Variants in NISCH observed in about 807,000 individuals in gnomAD.
The protein encoded by NISCH is nischarin.
A neutral mutation model predicts 138.4 loss-of-function variants in NISCH; 55 were observed. That is an observed-to-expected ratio of 0.40 (90% CI 0.32 to 0.50). The LOEUF (loss-of-function observed/expected upper bound fraction) is 0.50. Ranked by LOEUF, NISCH falls within the 20% of genes least tolerant of loss-of-function variation. The pLI, the probability that NISCH is intolerant of heterozygous loss-of-function variation, is 0.71. For missense variants in NISCH, 1,643 were observed against 2,005.5 expected (o/e 0.82, Z 3.45); for synonymous variants, 860 against 861.5 (o/e 1.00, Z 0.03).
rs910184270 is a variant in NISCH at position 52,458,790 on chromosome 3, C to T, written c.306C>T (p.Ala102=). 1.7e-5 allele frequency: 27 copies of T among 1,612,954 alleles called. No individual in the cohort carries two copies. The highest frequency in any genetic ancestry group is 2.3e-5 in the Non-Finnish European group (27 of 1,179,946). Residue 102 remains alanine (A), a synonymous_variant, in exon 3 of 21, where the codon GCC becomes GCT. Coordinates refer to ENST00000345716, the MANE Select transcript of NISCH (RefSeq NM_007184.4). The part of the protein sequence containing the change: ...LEVYLQKLLA[A]FPGVTPRVLA... ...TCTACCTCCAGAAGCTCCTGGCTGCCTTCCCTGGCGTGACCCCCAGAGTAC... is the reference window on the plus strand; with the variant it reads ...TCTACCTCCAGAAGCTCCTGGCTGCTTTCCCTGGCGTGACCCCCAGAGTAC...
intron 1 of NISCH, among the ~76,000 whole-genome samples, chr3:52,456,739 G>A (rs1048533276): frequency 5.9e-5 from 9 of 152,346 alleles, no homozygotes; most frequent in Non-Finnish European, 8.8e-5. Context: ...AGAGGAGAGG[G>A]GTGGATCTTG....
Position 52,482,842 on chromosome 3 carries a change from C to T in NISCH, c.1529-1671C>T, listed in dbSNP as rs540272599. ...CTACCCAGAGCTCCACAGAGGTGGT[C>T]GATGAGGGCTGCCCTTTCCCACATC... On this transcript the variant is annotated intron_variant, in intron 13 of 20. Transcript: ENST00000345716. 2.6e-5 allele frequency among the ~76,000 whole-genome samples: 4 copies of T among 152,278 alleles called. No individual in the cohort carries two copies. In the East Asian group the frequency reaches 5.8e-4, roughly 22 times the overall value.
In NISCH at chr3:52,462,214, A is replaced by G. The variant is rs115820540; in HGVS notation, c.360+3370A>G. Among the ~76,000 whole-genome samples the G allele has an allele frequency of 2.8e-3, 431 of 152,312 alleles. 3 individuals carry two copies. Among genetic ancestry groups the G allele is most frequent in the African/African-American group, 9.9e-3 (412 of 41,562 alleles). On this transcript the variant is annotated intron_variant, in intron 3 of 20. Coordinates refer to ENST00000345716, the MANE Select transcript of NISCH (RefSeq NM_007184.4). ...AGGATTTAAAAAAGCAATTGAACCC[A>G]TCGTTGGATTAAACCCACAGTTGAT...
At chr3:52,458,031 T>G in intron 2 of NISCH, 105 bp downstream of exon 2, 1 of 780,264 alleles carries the variant, frequency 1.3e-6, no homozygotes, top group Non-Finnish European at 2.2e-6. Context: ...GTTCCATCTC[T>G]ATAGTTCTTT....
At chr3:52,462,963 A>G (rs1036624798) in intron 3 of NISCH, among the ~76,000 whole-genome samples, 5 of 152,182 alleles carry the variant, frequency 3.3e-5, no homozygotes, top group Admixed American at 2.0e-4. Context: ...AAATTGAGAT[A>G]TAATTTACAT....
Position 52,488,527 on chromosome 3 carries a change from T to C in NISCH, c.3035T>C (p.Val1012Ala). The change falls in exon 16 of 21, where the codon GTC becomes GCC. Residue 1012 changes from valine (V) to alanine (A), a missense_variant. Coordinates refer to ENST00000345716, the MANE Select transcript of NISCH (RefSeq NM_007184.4). ...TCGCTGCAGGACCTGAAGACTGTGG[T>C]CATCGCCAAGACCCCCGGGACGGGA... Reference protein sequence around the residue: ...RASLQDLKTVVIAKTPGTGGS... With the variant: ...RASLQDLKTVAIAKTPGTGGS... The C allele has an allele frequency of 6.2e-7, 1 of 1,613,134 alleles. No homozygotes were observed. Among genetic ancestry groups the C allele is most frequent in the Non-Finnish European group, 8.5e-7 (1 of 1,179,970 alleles).
chr3:52,473,852 C>T, intron 7 of NISCH, 23 bp downstream of exon 7: 1 of 1,535,652 alleles, frequency 6.5e-7, no homozygotes, highest in Non-Finnish European at 9.0e-7. Context: ...TATATCCTGC[C>T]TGGGGCAATG....
rs779208117 is a variant in NISCH at position 52,489,425 on chromosome 3, C to T, written c.3203C>T (p.Ala1068Val). 3.1e-6 allele frequency: 5 copies of T among 1,604,008 alleles called. No homozygotes were observed. The highest frequency in any genetic ancestry group is 4.3e-6 in the Non-Finnish European group (5 of 1,171,924). Residue 1068 changes from alanine to valine, a missense_variant, in exon 17 of 21, where the codon GCC becomes GTC. Transcript: ENST00000345716. ...VPAPAPAAAS[A>V]SGPAKTPAPA... ...GCTCCAGCCCCTGCAGCAGCCTCAG[C>T]CTCAGGCCCAGCGAAGACTCCGGCC...
chr3:52,479,436 C>G (rs1227435763), intron 11 of NISCH, among the ~76,000 whole-genome samples: 1 of 152,146 alleles, frequency 6.6e-6, no homozygotes, highest in East Asian at 1.9e-4. Context: ...CCCAGCTGCC[C>G]AAGAGCTTGC....
At position 52,455,672 on chromosome 3, in the gene NISCH, C is replaced by G. The variant is rs1445176744; in HGVS notation, c.31C>G (p.Arg11Gly). The G allele has an allele frequency of 7.4e-7, 1 of 1,357,864 alleles. No individual in the cohort carries two copies. The highest frequency in any genetic ancestry group is 1.5e-5 in the African/African-American group (1 of 66,538). 84.1% of individuals were successfully genotyped at this position (1,357,864 alleles called of 1,614,324 possible). MATARTFGPE[R>G]EAEPAKEARV... ...GACCGCGCGCACCTTCGGGCCCGAG[C>G]GGGAAGCCGAGCCGGCCAAGGAAGC... Residue 11 changes from arginine to glycine, a missense_variant, in exon 1 of 21, where the codon CGG (arginine) becomes GGG (glycine). Physicochemically the swap from Arg to Gly is moderately radical, Grantham distance 125 (BLOSUM62 -2). Transcript: ENST00000345716.
At chr3:52,461,788 G>A (rs1339116540) in intron 3 of NISCH, among the ~76,000 whole-genome samples, 1 of 151,856 alleles carries the variant, frequency 6.6e-6, no homozygotes, top group African/African-American at 2.4e-5. Flanking sequence ...GCGTGAACCC[G>A]GGAGGCAGAG....
chr3:52,489,231 G>C (rs746491201), intron 16 of NISCH, 105 bp from the exon 17 acceptor site: 3 of 1,374,550 alleles, frequency 2.2e-6, no homozygotes, highest in South Asian at 1.4e-5. Flanking sequence ...CAGTAACCCA[G>C]AGGTGATGTG....
At chr3:52,476,124 C>T (rs1203399285) in intron 7 of NISCH, among the ~76,000 whole-genome samples, 2 of 152,106 alleles carry the variant, frequency 1.3e-5, no homozygotes, top group Admixed American at 1.3e-4. Context: ...GGTGACAGAG[C>T]GAGACTCCAT....
chr3:52,476,976 A>G (rs571835131), intron 8 of NISCH, among the ~76,000 whole-genome samples: 1 of 152,350 alleles, frequency 6.6e-6, no homozygotes, highest in East Asian at 1.9e-4. Context: ...CGGATGTTGC[A>G]GTGAGCTGAG....
rs879082100 is a variant in NISCH, at chr3:52,484,654, G to A, written c.1653+17G>A. On this transcript the variant is annotated intron_variant, in intron 14 of 20. Coordinates refer to ENST00000345716, the MANE Select transcript of NISCH (RefSeq NM_007184.4). ...GCGGGACAGGTAATGCCCTCTTCCC[G>A]CTTCTGGGGACCATACATCTGTGGG... 14 of 1,613,542 alleles carry A rather than the reference G, an allele frequency of 8.7e-6. No individual in the cohort carries two copies. The South Asian group carries it at 9.9e-5, about 11-fold the overall frequency.
At chr3:52,480,886 C>T (rs965278890) in intron 13 of NISCH, 7 of 1,534,988 alleles carry the variant, frequency 4.6e-6, no homozygotes, top group Admixed American at 3.9e-5. Flanking sequence ...CAGGCATCCT[C>T]GGAGATGAGT....
At chr3:52,479,955 C>T in intron 12 of NISCH, 93 bp downstream of exon 12, 1 of 1,098,248 alleles carries the variant, frequency 9.1e-7, no homozygotes, top group South Asian at 1.4e-5. Context: ...CTGCTCAGGG[C>T]TGCCGAGTCC....
intron 8 of NISCH, among the ~76,000 whole-genome samples, chr3:52,477,016 CAGAGTGAGACTCCGTCTCAAA>C (rs1175109006): frequency 6.6e-6 from 1 of 151,970 alleles, no homozygotes; most frequent in Non-Finnish European, 1.5e-5. Context: ...GCCTGGGCGA[CAGAGTGAGACTCCGTCTCAAA>C]AGAAGAAAAA....
At chr3:52,462,724 C>T (rs1706670811) in intron 3 of NISCH, among the ~76,000 whole-genome samples, 1 of 152,084 alleles carries the variant, frequency 6.6e-6, no homozygotes, top group Non-Finnish European at 1.5e-5. Context: ...CAACCTCCAC[C>T]TCCCAGGTTC....
Sources: gnomAD v4.1 joint callset for allele counts (sites outside exome capture counted in the v4.1 genomes callset) on GRCh38, gnomAD v4.1.1 for gene constraint, MANE v1.5 for transcripts, NCBI Gene and HGNC (gene_info 2026-07-23, HGNC 2026-07-21) for gene names.